Variants in BCAT1 observed in about 807,000 individuals in gnomAD.
BCAT1 encodes the protein branched-chain-amino-acid aminotransferase, cytosolic.
Under a neutral mutation model 52.4 loss-of-function variants are expected in BCAT1, and 48 were observed. The ratio of observed to expected loss-of-function variants is 0.92; its 90% CI spans 0.73 to 1.16. The LOEUF (loss-of-function observed/expected upper bound fraction) is 1.16. Ranked by LOEUF, BCAT1 falls within the 50% of genes most tolerant of loss-of-function variation. The probability of loss-of-function intolerance (pLI) is 0.00; values close to 1 mark genes in which losing one functional copy is unlikely to be tolerated. For missense variants in BCAT1, 451 were observed against 457.1 expected, an observed-to-expected ratio of 0.99 and a Z score of 0.12; for synonymous variants, 167 against 161.3, an observed-to-expected ratio of 1.04 and a Z score of -0.27.
intron 5 of BCAT1, among the ~76,000 whole-genome samples, chr12:24,874,900 A>T (rs1942284885): frequency 6.6e-6 from 1 of 152,192 alleles, no homozygotes; most frequent in Non-Finnish European, 1.5e-5. Flanking sequence ...AGATTTATTC[A>T]TTCAAAGAAA....
chr12:24,840,679 C>T (rs560540433), intron 7 of BCAT1, among the ~76,000 whole-genome samples: 1 of 152,286 alleles, frequency 6.6e-6, no homozygotes, highest in East Asian at 1.9e-4. Flanking sequence ...GTCTCTGCAA[C>T]TAACACTAAA....
At chr12:24,924,220 T>A (rs1943545526) in intron 1 of BCAT1, among the ~76,000 whole-genome samples, 1 of 152,086 alleles carries the variant, frequency 6.6e-6, no homozygotes, top group African/African-American at 2.4e-5. Context: ...AAAATAACAG[T>A]AACAAATTAT....
In BCAT1 at chr12:24,816,246, A is replaced by C. The variant is rs1939870823; in HGVS notation, c.*1762T>G. 2 of 350,234 alleles carry C rather than the reference A, an allele frequency of 5.7e-6. No individual in the cohort carries two copies. The highest frequency in any genetic ancestry group is 4.7e-5 in the Admixed American group (1 of 21,264). 21.7% of individuals were successfully genotyped at this position (350,234 alleles called of 1,614,324 possible). On this transcript the variant is annotated 3_prime_UTR_variant, in exon 11 of 11. Coordinates refer to ENST00000261192, the MANE Select transcript of BCAT1 (RefSeq NM_005504.7). ...CTATGTGTTGCTAAATGCCTCAAGGAAATTTTTCCAATGCATCAAACTTTT... is the reference window on the plus strand; with the variant it reads ...CTATGTGTTGCTAAATGCCTCAAGGCAATTTTTCCAATGCATCAAACTTTT...
chr12:24,844,894 C>CAAAAAAAAAAA (rs11318750), intron 6 of BCAT1, among the ~76,000 whole-genome samples: 146 of 36,000 alleles, frequency 4.1e-3, no homozygotes, highest in South Asian at 7.9e-3. Flanking sequence ...GAGACTGTCT[C>CAAAAAAAAAAA]AAAAAAAAAA....
chr12:24,872,331 A>C (rs1942203878), intron 5 of BCAT1, among the ~76,000 whole-genome samples: 1 of 152,206 alleles, frequency 6.6e-6, no homozygotes, highest in Admixed American at 6.5e-5. Context: ...GAGACAGACA[A>C]ATCTCATCTC....
At chr12:24,829,441 T>G (rs758776535) in intron 10 of BCAT1, among the ~76,000 whole-genome samples, 1 of 152,206 alleles carries the variant, frequency 6.6e-6, no homozygotes, top group Non-Finnish European at 1.5e-5. Flanking sequence ...TGGAATCACA[T>G]GCACTGTAAT....
intron 10 of BCAT1, among the ~76,000 whole-genome samples, chr12:24,819,175 G>A (rs10128933): frequency 6.6e-6 from 1 of 151,808 alleles, no homozygotes; most frequent in African/African-American, 2.4e-5. Context: ...AAGACTGCTC[G>A]CCATGTGTTC....
In BCAT1 at chr12:24,917,195, CTTTTTTTTTT is replaced by C. The variant is rs60491814; in HGVS notation, c.7-15320_7-15311del. Among the ~76,000 whole-genome samples, 13 of 103,532 alleles carry C rather than the reference CTTTTTTTTTT, an allele frequency of 1.3e-4. No homozygotes were observed. The East Asian group carries it at 2.8e-3, about 22-fold the overall frequency. 67.9% of individuals were successfully genotyped at this position (103,532 alleles called of 152,430 possible). A position where few individuals can be genotyped will look rare whatever the true frequency, so the allele number is the denominator to read the frequency against. On this transcript the variant is annotated intron_variant, in intron 1 of 10. Transcript: ENST00000261192. ...ATCAGTTTTTCATTAGAGCTTTGGA[CTTTTTTTTTT>C]TTTTTTTTTTTTTTTGAGGCTGGAG...
At chr12:24,907,204 G>A (rs1434687788) in intron 1 of BCAT1, among the ~76,000 whole-genome samples, 1 of 152,172 alleles carries the variant, frequency 6.6e-6, no homozygotes, top group Non-Finnish European at 1.5e-5. Context: ...CCTTTGCCAG[G>A]CACTGTCATC....
intron 1 of BCAT1, among the ~76,000 whole-genome samples, chr12:24,924,020 CT>C (rs1453547328): frequency 1.3e-5 from 2 of 152,208 alleles, no homozygotes; most frequent in Non-Finnish European, 2.9e-5. Context: ...GCTTTTTAAT[CT>C]GCATGATGGC....
chr12:24,885,864 C>A (rs1212766002), intron 3 of BCAT1, among the ~76,000 whole-genome samples: 1 of 152,004 alleles, frequency 6.6e-6, no homozygotes, highest in Non-Finnish European at 1.5e-5. Flanking sequence ...TTACTTCATA[C>A]AAAAATCAAC....
intron 1 of BCAT1, among the ~76,000 whole-genome samples, chr12:24,935,129 A>G (rs922556093): frequency 6.6e-6 from 1 of 152,208 alleles, no homozygotes; most frequent in East Asian, 1.9e-4. Context: ...CCACAGACCA[A>G]GTGGATCCAG....
chr12:24,888,580 G>A (rs1326102989), intron 3 of BCAT1, among the ~76,000 whole-genome samples: 1 of 152,172 alleles, frequency 6.6e-6, no homozygotes, highest in East Asian at 1.9e-4. Flanking sequence ...CAGGCACCTT[G>A]CACAGCCCTG....
At chr12:24,857,254 A>G (rs1034872888) in intron 5 of BCAT1, among the ~76,000 whole-genome samples, 4 of 152,108 alleles carry the variant, frequency 2.6e-5, no homozygotes, top group African/African-American at 9.7e-5. Flanking sequence ...TCTCTGAGCT[A>G]TGTTTGGAGG....
chr12:24,849,813 C>T lies in BCAT1; in HGVS notation c.647G>A (p.Gly216Asp), dbSNP rs1225807381. 4 of 1,612,410 alleles carry T rather than the reference C, an allele frequency of 2.5e-6. No homozygotes were observed. The highest frequency in any genetic ancestry group is 3.4e-6 in the Non-Finnish European group (4 of 1,178,814). ...TCCCATCTTGCAGTCCCCAGTTCCA[C>T]CTTTCCAGGCTCTTACATACTTGGG... ...ANPKYVRAWK[G>D]GTGDCKMGGN... Residue 216 changes from glycine to aspartate, a missense_variant, in exon 6 of 11, where the codon GGT (glycine) becomes GAT (aspartate). Gly to Asp is a moderately conservative substitution (Grantham distance 94, BLOSUM62 -1). Transcript: ENST00000261192.
chr12:24,911,766 G>A (rs1031136249), intron 1 of BCAT1, among the ~76,000 whole-genome samples: 8 of 152,002 alleles, frequency 5.3e-5, no homozygotes, highest in Admixed American at 1.3e-4. Flanking sequence ...AACCCTAAGC[G>A]TGGCAAGCCT....
intron 1 of BCAT1, among the ~76,000 whole-genome samples, chr12:24,909,657 C>T (rs1943283922): frequency 6.6e-6 from 1 of 152,190 alleles, no homozygotes; most frequent in Non-Finnish European, 1.5e-5. Context: ...TTCAATCTCT[C>T]CTTCTGTTGC....
intron 1 of BCAT1, among the ~76,000 whole-genome samples, chr12:24,921,598 T>C (rs965725007): frequency 3.3e-4 from 51 of 152,358 alleles, no homozygotes; most frequent in Non-Finnish European, 7.3e-5. Flanking sequence ...AGATACATCA[T>C]AGGATCTTTG....
chr12:24,931,480 A>C (rs935846166), intron 1 of BCAT1, among the ~76,000 whole-genome samples: 15 of 152,158 alleles, frequency 9.9e-5, no homozygotes, highest in African/African-American at 3.4e-4. Flanking sequence ...CTAAGGACCC[A>C]TGTTATGATA....
Sources: gnomAD v4.1 joint callset for allele counts (sites outside exome capture counted in the v4.1 genomes callset) on GRCh38, gnomAD v4.1.1 for gene constraint, MANE v1.5 for transcripts, NCBI Gene and HGNC (gene_info 2026-07-23, HGNC 2026-07-21) for gene names.